The following ZNRF3 variants were observed in gnomAD, a reference collection of about 807,000 sequenced individuals.
ZNRF3 encodes zinc and ring finger 3, also known as E3 ubiquitin-protein ligase ZNRF3.
A neutral mutation model predicts 72.5 loss-of-function variants in ZNRF3; 23 were observed. That is an observed-to-expected ratio of 0.32 (90% CI 0.23 to 0.45). ZNRF3 has a LOEUF of 0.45. Ranked by LOEUF, ZNRF3 falls within the 20% of genes least tolerant of loss-of-function variation. The pLI is 1.00. For missense variants in ZNRF3, 1,169 were observed against 1,272.1 expected, an observed-to-expected ratio of 0.92 and a Z score of 1.23; for synonymous variants, 610 against 545.3, an observed-to-expected ratio of 1.12 and a Z score of -1.65.
intron 1 of ZNRF3, among the ~76,000 whole-genome samples, chr22:28,938,341 A>C (rs1312936782): frequency 6.6e-6 from 1 of 151,514 alleles, no homozygotes; most frequent in Non-Finnish European, 1.5e-5. Flanking sequence ...TATCTTATCT[A>C]TTTTAATCTA....
At chr22:28,901,216 C>T (rs1250196059) in intron 1 of ZNRF3, among the ~76,000 whole-genome samples, 1 of 152,100 alleles carries the variant, frequency 6.6e-6, no homozygotes, top group East Asian at 1.9e-4. Flanking sequence ...CTGTCCCTTC[C>T]TGAAGATACC....
intron 1 of ZNRF3, among the ~76,000 whole-genome samples, chr22:28,958,750 C>T (rs16986871): frequency 0.014 from 2,160 of 152,292 alleles, 56 homozygotes; most frequent in East Asian, 0.082. Context: ...TACCAATCAC[C>T]CAAGGAAGGT....
At chr22:28,933,851 G>A (rs1158602111) in intron 1 of ZNRF3, among the ~76,000 whole-genome samples, 1 of 148,222 alleles carries the variant, frequency 6.7e-6, no homozygotes, top group African/African-American at 2.5e-5. Flanking sequence ...TTATTTCATT[G>A]TATCATGGTG....
intron 1 of ZNRF3, among the ~76,000 whole-genome samples, chr22:28,914,359 G>A (rs1438889711): frequency 6.6e-6 from 1 of 152,098 alleles, no homozygotes. Context: ...GCTGACTCTA[G>A]CTGCCCATAG....
rs985371623 is a variant in ZNRF3, at chr22:28,987,102, C to T, written c.327C>T (p.Asn109=). 5 of 1,613,520 alleles carry T rather than the reference C, an allele frequency of 3.1e-6. No homozygotes were observed. The highest frequency in any genetic ancestry group is 1.7e-4 in the Middle Eastern group (1 of 6,060). The change falls in exon 2 of 9, where the codon AAC becomes AAT. Residue 109 remains asparagine (N), a synonymous_variant. Transcript: ENST00000544604. ...VQMHPLGLCN[N]NDEEDLYEYG... is the part of the protein sequence containing the mutation. ...TGCACCCACTGGGCCTATGTAATAA[C>T]AATGACGAAGAGGACTTGTATGAAT...
chr22:28,963,616 C>G (rs953381505), intron 1 of ZNRF3, among the ~76,000 whole-genome samples: 4 of 152,272 alleles, frequency 2.6e-5, no homozygotes, highest in Non-Finnish European at 4.4e-5. Context: ...ACCTGCCTAC[C>G]TCTTGGGGGT....
chr22:28,928,490 CTTTTTTTTTTTTTT>C (rs10710766), intron 1 of ZNRF3, among the ~76,000 whole-genome samples: 2 of 80,602 alleles, frequency 2.5e-5, no homozygotes, highest in African/African-American at 4.1e-5. Context: ...CCAGAAATGT[CTTTTTTTTTTTTTT>C]TTTTTTTTTG....
intron 1 of ZNRF3, among the ~76,000 whole-genome samples, chr22:28,968,016 A>G (rs900038271): frequency 4.0e-5 from 6 of 151,848 alleles, no homozygotes; most frequent in African/African-American, 1.2e-4. Context: ...GTCTTATTTC[A>G]CTTCTGGAAA....
Position 28,883,630 on chromosome 22 carries a change from G to C in ZNRF3, c.-137G>C. On this transcript the variant is annotated 5_prime_UTR_variant, in exon 1 of 9. Coordinates refer to ENST00000544604, the MANE Select transcript of ZNRF3 (RefSeq NM_001206998.2). The surrounding 1 kb of genome is among the most constrained non-coding windows in gnomAD (Gnocchi z 5.5). ...GCGGCGCGACGGCCGGGGGAGCCGA[G>C]CTGAGCCTGCGACCCACAAAGCCGC... 1.1e-6 allele frequency: 1 copy of C among 870,752 alleles called. No individual in the cohort carries two copies. Among genetic ancestry groups the C allele is most frequent in the Non-Finnish European group, 1.4e-6 (1 of 724,878 alleles). The allele number at this position is 870,752 out of a possible 1,614,324, so 53.9% of individuals were successfully genotyped here.
chr22:28,918,718 T>C (rs1003378587), intron 1 of ZNRF3, among the ~76,000 whole-genome samples: 1 of 152,164 alleles, frequency 6.6e-6, no homozygotes, highest in Non-Finnish European at 1.5e-5. Context: ...TCCTGGGGTA[T>C]GTGCGAAGCT....
intron 1 of ZNRF3, among the ~76,000 whole-genome samples, chr22:28,931,176 G>T (rs1368560446): frequency 6.6e-6 from 1 of 152,028 alleles, no homozygotes; most frequent in Non-Finnish European, 1.5e-5. Context: ...ATTTTTGCCA[G>T]TATGCCTCTT....
At chr22:28,896,546 G>A (rs1327337106) in intron 1 of ZNRF3, among the ~76,000 whole-genome samples, 1 of 152,272 alleles carries the variant, frequency 6.6e-6, no homozygotes, top group African/African-American at 2.4e-5. Context: ...TTACAGGCGT[G>A]AGCCACTGTG....
chr22:28,973,444 G>C (rs2035611662), intron 1 of ZNRF3, among the ~76,000 whole-genome samples: 2 of 152,170 alleles, frequency 1.3e-5, no homozygotes, highest in South Asian at 4.1e-4. Context: ...CTGAACATCA[G>C]AAATAAAAGC....
chr22:29,045,416 C>T (rs1238195038), intron 5 of ZNRF3, among the ~76,000 whole-genome samples: 1 of 149,530 alleles, frequency 6.7e-6, no homozygotes, highest in Non-Finnish European at 1.5e-5. Flanking sequence ...CTTCTCTGTT[C>T]TAAAAGGGCT....
chr22:28,956,575 T>A (rs1272532127), intron 1 of ZNRF3, among the ~76,000 whole-genome samples: 1 of 152,104 alleles, frequency 6.6e-6, no homozygotes, highest in Non-Finnish European at 1.5e-5. Context: ...TGCCTTTCAG[T>A]CCTTTGAAGC....
At position 29,053,598 on chromosome 22, in the gene ZNRF3, A is replaced by G. The variant is rs2037248063; in HGVS notation, c.2787A>G (p.Ala929=). ...TEAAGPRSHS[A]DSSSPGA ...TCCCAGGACCGAGATCTCACTCAGC[A>G]GACAGCAGCAGCCCGGGAGCCTGAG... The change falls in exon 9 of 9, where the codon GCA becomes GCG. Residue 929 remains alanine, a synonymous_variant. Coordinates refer to ENST00000544604, the MANE Select transcript of ZNRF3 (RefSeq NM_001206998.2). The G allele has an allele frequency of 6.2e-7, 1 of 1,613,860 alleles. No individual in the cohort carries two copies. Among genetic ancestry groups the G allele is most frequent in the Non-Finnish European group, 8.5e-7 (1 of 1,179,830 alleles).
intron 8 of ZNRF3, 145 bp from the exon 9 acceptor site, chr22:29,053,434 G>C (rs370398891): frequency 1.6e-6 from 1 of 640,522 alleles, no homozygotes; most frequent in Non-Finnish European, 2.6e-6. Flanking sequence ...CACAAATGGA[G>C]CCCCTCTGGG....
intron 2 of ZNRF3, among the ~76,000 whole-genome samples, chr22:29,037,997 C>T (rs938791129): frequency 6.6e-6 from 1 of 152,200 alleles, no homozygotes; most frequent in Non-Finnish European, 1.5e-5. Flanking sequence ...TTAGGGATAA[C>T]GGCCCTCTCC....
At position 29,050,646 on chromosome 22, in the gene ZNRF3, C is replaced by A; in HGVS notation, c.2465C>A (p.Ala822Asp). Residue 822 changes from alanine (A) to aspartate (D), a missense_variant, in exon 8 of 9, where the codon GCC becomes GAC. Coordinates refer to ENST00000544604, the MANE Select transcript of ZNRF3 (RefSeq NM_001206998.2). ...EEPPPGCYPG[A>D]RDLSQRIPII... ...CCACCGCCCGGCTGCTACCCCGGGG[C>A]CCGGGACCTGAGCCAGCGCATCCCC... The A allele has an allele frequency of 6.2e-7, 1 of 1,611,874 alleles. No individual in the cohort carries two copies. Among genetic ancestry groups the A allele is most frequent in the Non-Finnish European group, 8.5e-7 (1 of 1,179,424 alleles).
Sources: allele counts gnomAD v4.1 joint callset (sites outside exome capture counted in the v4.1 genomes callset), GRCh38; gene constraint gnomAD v4.1.1; non-coding constraint Gnocchi (gnomAD v3.1); transcripts MANE v1.5; gene names NCBI Gene and HGNC (gene_info 2026-07-23, HGNC 2026-07-21).